Variants in FCRL2 observed in about 807,000 individuals in gnomAD.
The protein encoded by FCRL2 is Fc receptor like 2.
In FCRL2, 48 loss-of-function variants were observed where a neutral mutation model predicts 59.8. The observed-to-expected ratio is 0.80, with a 90% CI of 0.64 to 1.02. The LOEUF (loss-of-function observed/expected upper bound fraction) is 1.02. Ranked by LOEUF, FCRL2 falls within the 50% of genes least tolerant of loss-of-function variation. The probability of loss-of-function intolerance (pLI) is 0.00; values close to 1 mark genes in which losing one functional copy is unlikely to be tolerated. For missense variants in FCRL2, 658 were observed against 597.3 expected (o/e 1.10, Z -1.06); for synonymous variants, 251 against 229.5 (o/e 1.09, Z -0.85).
At chr1:157,748,176 T>C (rs1476725304) in intron 10 of FCRL2, among the ~76,000 whole-genome samples, 1 of 152,130 alleles carries the variant, frequency 6.6e-6, no homozygotes, top group Non-Finnish European at 1.5e-5. Flanking sequence ...CCCAGCACTT[T>C]GGGAGGCTGA....
rs372107666 is a variant in FCRL2 at position 157,770,599 on chromosome 1, T to C, written c.120A>G (p.Gly40=). 5.6e-6 allele frequency: 9 copies of C among 1,614,040 alleles called. No individual in the cohort carries two copies. The highest frequency in any genetic ancestry group is 2.7e-5 in the African/African-American group (2 of 74,940). The change falls in exon 3 of 12, where the codon GGA becomes GGG. Residue 40 remains glycine, a synonymous_variant. Transcript: ENST00000361516. The part of the protein sequence containing the change: ...EGDSIVLKCQ[G]EQNWKIQKMA... ...TCTTCTGAATTTTCCAGTTCTGTTCTCCCTGGCATTTCAGAACGATGCTGT... is the reference window on the plus strand; with the variant it reads ...TCTTCTGAATTTTCCAGTTCTGTTCCCCCTGGCATTTCAGAACGATGCTGT...
chr1:157,749,748 A>G, intron 7 of FCRL2, 71 bp from the exon 8 acceptor site: 1 of 1,175,726 alleles, frequency 8.5e-7, no homozygotes, highest in Non-Finnish European at 1.3e-6. Flanking sequence ...GACATGATTT[A>G]ACTACGTATA....
chr1:157,752,006 C>G (rs1443078958), intron 7 of FCRL2, among the ~76,000 whole-genome samples: 1 of 152,240 alleles, frequency 6.6e-6, no homozygotes, highest in Non-Finnish European at 1.5e-5. Flanking sequence ...GGCCAGAACC[C>G]TTTCCATATT....
Position 157,766,883 on chromosome 1 carries a change from C to T in FCRL2, c.1251G>A (p.Leu417=), listed in dbSNP as rs34445670. Residue 417 remains leucine (L), a synonymous_variant, in exon 7 of 12, where the codon CTG becomes CTA. Coordinates refer to ENST00000361516, the MANE Select transcript of FCRL2 (RefSeq NM_030764.4). ...ATATCTTGTGGAACAAGGCATACAACAGCAAAGCAACACCAGTGAAACCAA... is the reference window on the plus strand; with the variant it reads ...ATATCTTGTGGAACAAGGCATACAATAGCAAAGCAACACCAGTGAAACCAA... The part of the protein sequence containing the change: ...GVLGFTGVAL[L]LYALFHKISG... 3.2e-3 allele frequency: 5,177 copies of T among 1,614,130 alleles called. 127 individuals carry two copies. In the African/African-American group the frequency reaches 0.059, roughly 18 times the overall value.
At chr1:157,754,867 G>A (rs1263389071) in intron 7 of FCRL2, among the ~76,000 whole-genome samples, 4 of 151,858 alleles carry the variant, frequency 2.6e-5, no homozygotes, top group African/African-American at 4.8e-5. Context: ...TCAGGAGGCC[G>A]AGGTAGGAGT....
chr1:157,754,323 C>A (rs1648423899), intron 7 of FCRL2, among the ~76,000 whole-genome samples: 1 of 152,138 alleles, frequency 6.6e-6, no homozygotes, highest in Admixed American at 6.5e-5. Context: ...CTGCTACACT[C>A]CCACCAGTGG....
chr1:157,751,719 G>A (rs1648202008), intron 7 of FCRL2, among the ~76,000 whole-genome samples: 1 of 152,166 alleles, frequency 6.6e-6, no homozygotes, highest in African/African-American at 2.4e-5. Flanking sequence ...AAATAAGGGT[G>A]GAGGGGAAGA....
chr1:157,764,864 A>G (rs943292573), intron 7 of FCRL2, among the ~76,000 whole-genome samples: 1 of 152,336 alleles, frequency 6.6e-6, no homozygotes, highest in East Asian at 1.9e-4. Context: ...CTACAACAAA[A>G]ACGTGGAAAG....
Position 157,748,882 on chromosome 1 carries a change from A to G in FCRL2, c.1386T>C (p.Tyr462=), listed in dbSNP as rs771923702. Residue 462 remains tyrosine (Y), a synonymous_variant, in exon 9 of 12, where the codon TAT becomes TAC. Transcript: ENST00000361516. ...TPDMEELQPV[Y]VNVGSVDVDV... ...CCCAGTGGAGACACTCACCATTGAC[A>G]TACACTGGCTGCAGCTCCTCCATGT... 3 of 1,613,632 alleles carry G rather than the reference A, an allele frequency of 1.9e-6. No individual in the cohort carries two copies. Among genetic ancestry groups the G allele is most frequent in the South Asian group, 1.1e-5 (1 of 91,060 alleles).
chr1:157,765,046 G>T (rs1208640751), intron 7 of FCRL2, among the ~76,000 whole-genome samples: 1 of 152,054 alleles, frequency 6.6e-6, no homozygotes, highest in Admixed American at 6.5e-5. Context: ...CCTTTGAAAA[G>T]ATCAACAAAA....
chr1:157,752,741 T>A (rs1364844415), intron 7 of FCRL2, among the ~76,000 whole-genome samples: 3 of 152,208 alleles, frequency 2.0e-5, no homozygotes, highest in Non-Finnish European at 4.4e-5. Flanking sequence ...AAAGCCTATA[T>A]AAGTAAAACT....
rs1650466803 is a variant in FCRL2 at position 157,777,045 on chromosome 1, A to G, written c.29T>C (p.Phe10Ser). 1 of 1,613,922 alleles carries G rather than the reference A, an allele frequency of 6.2e-7. No individual in the cohort carries two copies. The highest frequency in any genetic ancestry group is 1.7e-5 in the Admixed American group (1 of 59,998). ...CTCAGTCAAATTATTGAACTCACCA[A>G]AGATGACCAGCAATGACCACAGCAG... MLLWSLLVI[F>S]DAVTEQADSL... Residue 10 changes from phenylalanine (F) to serine (S), a missense_variant and splice_region_variant, in exon 1 of 12, where the codon TTT (phenylalanine) becomes TCT (serine). By Grantham distance (155) the Phe-to-Ser change is radical. Transcript: ENST00000361516.
chr1:157,770,799 T>C (rs1571294907), intron 2 of FCRL2, 133 bp from the exon 3 acceptor site: 1 of 933,444 alleles, frequency 1.1e-6, no homozygotes, highest in African/African-American at 1.7e-5. Flanking sequence ...CATGCCTTAA[T>C]TACTGAGAGT....
intron 2 of FCRL2, 58 bp downstream of exon 2, chr1:157,775,717 G>C (rs1321445818): frequency 1.8e-5 from 28 of 1,591,988 alleles, no homozygotes; most frequent in Non-Finnish European, 2.3e-5. Context: ...AGAATCCTGG[G>C]GTAGTGGGGT....
chr1:157,774,544 G>T, intron 2 of FCRL2: 1 of 447,970 alleles, frequency 2.2e-6, no homozygotes, highest in Admixed American at 2.4e-5. Context: ...GAATGAAGTG[G>T]CTGTTGCCCT....
chr1:157,775,682 A>C, intron 2 of FCRL2, 93 bp downstream of exon 2: 1 of 1,416,496 alleles, frequency 7.1e-7, no homozygotes. Flanking sequence ...GGACATCTTC[A>C]CAGGCTTTCC....
At chr1:157,756,154 C>T (rs928232658) in intron 7 of FCRL2, among the ~76,000 whole-genome samples, 3 of 152,206 alleles carry the variant, frequency 2.0e-5, no homozygotes, top group African/African-American at 7.2e-5. Flanking sequence ...CATTAGGCAA[C>T]AGCCACTGCC....
intron 2 of FCRL2, among the ~76,000 whole-genome samples, chr1:157,773,698 C>T (rs1196131566): frequency 6.6e-6 from 1 of 152,218 alleles, no homozygotes. Context: ...GCTGGCTCTA[C>T]ACTGGCTGTC....
At chr1:157,749,819 A>G (rs1009568937) in intron 7 of FCRL2, 142 bp from the exon 8 acceptor site, 3 of 540,052 alleles carry the variant, frequency 5.6e-6, no homozygotes, top group South Asian at 7.2e-5. Flanking sequence ...CTAAATGGCT[A>G]CTTATTTATT....
Sources: gnomAD v4.1 joint callset for allele counts (sites outside exome capture counted in the v4.1 genomes callset) on GRCh38, gnomAD v4.1.1 for gene constraint, MANE v1.5 for transcripts, NCBI Gene and HGNC (gene_info 2026-07-23, HGNC 2026-07-21) for gene names.